The following CDON variants were observed in gnomAD, a reference collection of about 807,000 sequenced individuals.
CDON encodes the protein cell adhesion associated, oncogene regulated.
CDON carries 73 observed loss-of-function variants against 120.9 expected under a neutral mutation model. That is an observed-to-expected ratio of 0.60 (90% CI 0.50 to 0.73). The LOEUF is 0.73. Among genes scored for constraint, CDON ranks in the 30% least tolerant of loss-of-function variants. The probability of loss-of-function intolerance (pLI) is 0.00; values close to 1 mark genes in which losing one functional copy is unlikely to be tolerated. For synonymous variants in CDON, 566 were observed against 573.5 expected, an observed-to-expected ratio of 0.99 and a Z score of 0.19; for missense variants, 1,470 against 1,587.3, an observed-to-expected ratio of 0.93 and a Z score of 1.26.
At chr11:125,995,337 A>T (rs1367049585) in intron 12 of CDON, among the ~76,000 whole-genome samples, 2 of 152,194 alleles carry the variant, frequency 1.3e-5, no homozygotes, top group Admixed American at 6.5e-5. Flanking sequence ...TCAGGGAAGA[A>T]GCAGGTAGAG....
rs1237694285 is a variant in CDON, at chr11:125,981,109, C to T, written c.3216G>A (p.Gly1072=). ...NGSLNGGLYS[G]HSNSLTRTHV... ...GTGTCCTGGTTAGAGAGTTGCTGTG[C>T]CCGGAGTAAAGCCCTCCATTTAGGC... Residue 1072 remains glycine, a synonymous_variant, in exon 17 of 20, where the codon GGG becomes GGA. Transcript: ENST00000531738. The T allele has an allele frequency of 6.2e-7, 1 of 1,614,092 alleles. No homozygotes were observed.
Position 126,052,839 on chromosome 11 carries a change from T to A in CDON, c.-62+9740A>T, listed in dbSNP as rs572198802. On this transcript the variant is annotated intron_variant, in intron 1 of 19. Transcript: ENST00000531738. ...CTCCGTCTCAAAAAAAAAAAAAAAATTAAAAATTAAAAATATACTGTATAA... is the reference window on the plus strand; with the variant it reads ...CTCCGTCTCAAAAAAAAAAAAAAAAATAAAAATTAAAAATATACTGTATAA... 2.3e-3 allele frequency among the ~76,000 whole-genome samples: 352 copies of A among 150,474 alleles called. 6 individuals carry two copies. The South Asian group carries it at 0.03, about 13-fold the overall frequency.
At chr11:125,986,031 G>A (rs550881673) in intron 15 of CDON, among the ~76,000 whole-genome samples, 3 of 152,280 alleles carry the variant, frequency 2.0e-5, no homozygotes, top group Non-Finnish European at 2.9e-5. Context: ...GTTTAGTGCG[G>A]CACTATTCAC....
chr11:126,013,371 T>C (rs1285404502), intron 7 of CDON, among the ~76,000 whole-genome samples: 1 of 152,202 alleles, frequency 6.6e-6, no homozygotes, highest in Non-Finnish European at 1.5e-5. Flanking sequence ...TGGAACACTT[T>C]GTACAATATC....
chr11:125,989,571 A>G, intron 15 of CDON, 66 bp downstream of exon 15: 1 of 1,444,858 alleles, frequency 6.9e-7, no homozygotes, highest in Non-Finnish European at 9.7e-7. Context: ...ATATATCAGT[A>G]GTCAGAAGCA....
intron 1 of CDON, among the ~76,000 whole-genome samples, chr11:126,038,097 C>T (rs1339220902): frequency 6.6e-6 from 1 of 151,960 alleles, no homozygotes; most frequent in African/African-American, 2.4e-5. Flanking sequence ...TCAAAAAAAT[C>T]AAAAAGCTAA....
chr11:125,957,862 A>G lies in CDON; in HGVS notation c.*3080T>C, dbSNP rs1054757239. On this transcript the variant is annotated 3_prime_UTR_variant, in exon 20 of 20. Transcript: ENST00000531738. ...CAGACTGTCAGTGCAAAACTGAAAG[A>G]AAAACATTAAAAGGAGATCGTGAAA... 1 of 152,236 alleles carries G rather than the reference A, an allele frequency of 6.6e-6. No individual in the cohort carries two copies. The highest frequency in any genetic ancestry group is 1.5e-5 in the Non-Finnish European group (1 of 68,046). The allele number at this position is 152,236 out of a possible 1,614,324, so 9.4% of individuals were successfully genotyped here.
Position 126,021,299 on chromosome 11 carries a change from T to C in CDON, c.298A>G (p.Asn100Asp), listed in dbSNP as rs1326603662. 6.2e-7 allele frequency: 1 copy of C among 1,614,132 alleles called. No homozygotes were observed. The highest frequency in any genetic ancestry group is 8.5e-7 in the Non-Finnish European group (1 of 1,179,984). The change falls in exon 3 of 20, where the codon AAC becomes GAC. Residue 100 changes from asparagine to aspartate, a missense_variant. Asn to Asp is a conservative substitution (Grantham distance 23). Coordinates refer to ENST00000531738, the MANE Select transcript of CDON (RefSeq NM_001378964.1). ...SLLGYYQCLA[N>D]NSIGAIVSGP... is the part of the protein sequence containing the mutation. The stretch of plus-strand genomic sequence containing the variant: ...CTCACAATGGCACCGATGCTATTGT[T>C]GGCAAGGCACTGGTAGTAACCCAAA...
At chr11:126,052,204 T>C (rs1467461670) in intron 1 of CDON, among the ~76,000 whole-genome samples, 1 of 152,172 alleles carries the variant, frequency 6.6e-6, no homozygotes, top group Non-Finnish European at 1.5e-5. Flanking sequence ...GCAATTTCTT[T>C]TAAGAGAGGA....
chr11:125,974,176 G>A (rs534152286), intron 18 of CDON, among the ~76,000 whole-genome samples: 3 of 151,924 alleles, frequency 2.0e-5, no homozygotes, highest in Admixed American at 6.6e-5. Flanking sequence ...GATTACAGGC[G>A]TGAGCCACTG....
chr11:126,033,604 C>T (rs1185282186), intron 1 of CDON, among the ~76,000 whole-genome samples: 2 of 152,138 alleles, frequency 1.3e-5, no homozygotes, highest in African/African-American at 4.8e-5. Context: ...GATTTAATTT[C>T]ACATTTCACA....
rs187095965 is a variant in CDON at position 126,010,529 on chromosome 11, G to T, written c.1364C>A (p.Ser455Ter). Residue 455 changes from serine to a stop codon, truncating the protein, a stop_gained, in exon 8 of 20, where the codon TCG becomes TAG. Coordinates refer to ENST00000531738, the MANE Select transcript of CDON (RefSeq NM_001378964.1). LOFTEE classifies it high-confidence loss of function. ...ITSHPSQVLR[S>*]KSRKSQLSRP... The stretch of plus-strand genomic sequence containing the variant: ...TGATAACTGTGATTTTCGGGATTTC[G>T]ATCTCAGGACTTGAGATGGATGGCT... 4 of 1,614,066 alleles carry T rather than the reference G, an allele frequency of 2.5e-6. No homozygotes were observed. The highest frequency in any genetic ancestry group is 2.5e-6 in the Non-Finnish European group (3 of 1,179,988).
intron 18 of CDON, among the ~76,000 whole-genome samples, chr11:125,972,285 AGCCAT>A (rs1227098858): frequency 6.6e-6 from 1 of 152,122 alleles, no homozygotes; most frequent in Non-Finnish European, 1.5e-5. Flanking sequence ...AAAATTAGCC[AGCCAT>A]GGTGCCACAC....
chr11:126,050,606 C>T (rs1269344686), intron 1 of CDON, among the ~76,000 whole-genome samples: 1 of 151,568 alleles, frequency 6.6e-6, no homozygotes, highest in Non-Finnish European at 1.5e-5. Context: ...TGATCATTAT[C>T]AGAAACAGGA....
At chr11:126,021,166 G>A in intron 3 of CDON, 82 bp downstream of exon 3, 1 of 1,438,660 alleles carries the variant, frequency 7.0e-7, no homozygotes, top group African/African-American at 1.4e-5. Flanking sequence ...CAAAGCCCAT[G>A]GTCTTTCCCC....
At position 125,961,952 on chromosome 11, in the gene CDON, C is replaced by T; in HGVS notation, c.3403G>A (p.Val1135Met). Residue 1135 changes from valine (V) to methionine (M), a missense_variant, in exon 19 of 20, where the codon GTG becomes ATG. Val to Met is a conservative substitution (Grantham distance 21). Coordinates refer to ENST00000531738, the MANE Select transcript of CDON (RefSeq NM_001378964.1). ...GGATAAGGTGCTACCACAGGGACCA[C>T]AGGAGGAGGGCTGCTGCTGAAAGTG... ...NSTFSSSPPP[V>M]VPVVAPYPQD... 1.2e-6 allele frequency: 2 copies of T among 1,614,230 alleles called. No homozygotes were observed. The highest frequency in any genetic ancestry group is 1.7e-6 in the Non-Finnish European group (2 of 1,180,050).
At position 126,007,554 on chromosome 11, in the gene CDON, T is replaced by C. The variant is rs539243098; in HGVS notation, c.1553-1497A>G. Reference sequence around the variant, plus strand: ...TGGCTTGAGGTAGTGGAGAAGGACCTTTTTATCATTAGAAGTTTAGTGGAT... The same window carrying C: ...TGGCTTGAGGTAGTGGAGAAGGACCCTTTTATCATTAGAAGTTTAGTGGAT... On this transcript the variant is annotated intron_variant, in intron 8 of 19. Coordinates refer to ENST00000531738, the MANE Select transcript of CDON (RefSeq NM_001378964.1). Among the ~76,000 whole-genome samples, 3 of 152,290 alleles carry C rather than the reference T, an allele frequency of 2.0e-5. No individual in the cohort carries two copies. The East Asian group carries it at 5.8e-4, about 29-fold the overall frequency.
intron 15 of CDON, among the ~76,000 whole-genome samples, chr11:125,985,965 G>A (rs545687094): frequency 3.0e-4 from 46 of 152,148 alleles, no homozygotes; most frequent in Admixed American, 1.2e-3. Flanking sequence ...CCCATTACTG[G>A]GTATATACCC....
chr11:126,055,904 C>T (rs765787716), intron 1 of CDON, among the ~76,000 whole-genome samples: 3 of 152,168 alleles, frequency 2.0e-5, no homozygotes, highest in Non-Finnish European at 4.4e-5. Context: ...GTGAAAAGAG[C>T]CAGCAAGTCG....
Sources: allele counts gnomAD v4.1 joint callset (sites outside exome capture counted in the v4.1 genomes callset), GRCh38; gene constraint gnomAD v4.1.1; transcripts MANE v1.5; gene names NCBI Gene and HGNC (gene_info 2026-07-23, HGNC 2026-07-21).